The following PHACTR1 variants were observed in gnomAD, a reference collection of about 807,000 sequenced individuals.
PHACTR1 encodes RPEL repeat containing 1.
PHACTR1 carries 16 observed loss-of-function variants against 69.2 expected under a neutral mutation model. That is an observed-to-expected ratio of 0.23 (90% CI 0.16 to 0.35). PHACTR1 has a LOEUF of 0.35. PHACTR1 is among the 10% of genes least tolerant of loss of function. The pLI is 1.00. For missense variants in PHACTR1, 510 were observed against 734.7 expected (o/e 0.69, Z 3.54); for synonymous variants, 312 against 284.5 (o/e 1.10, Z -0.97).
intron 4 of PHACTR1, among the ~76,000 whole-genome samples, chr6:12,919,647 A>T (rs1360197995): frequency 6.6e-6 from 1 of 152,152 alleles, no homozygotes; most frequent in Non-Finnish European, 1.5e-5. Context: ...GATGCTTCCC[A>T]TGACTTTGGG....
chr6:13,082,978 G>A (rs932339846), intron 5 of PHACTR1, among the ~76,000 whole-genome samples: 1 of 152,180 alleles, frequency 6.6e-6, no homozygotes, highest in Non-Finnish European at 1.5e-5. Flanking sequence ...TTTGGCTTTT[G>A]TTGCCATTGC....
chr6:12,820,102 G>A (rs781566170), intron 4 of PHACTR1, among the ~76,000 whole-genome samples: 5 of 152,182 alleles, frequency 3.3e-5, no homozygotes, highest in Non-Finnish European at 7.3e-5. Flanking sequence ...GCATACAAGT[G>A]TAAGTCATTT....
chr6:12,747,630 G>A (rs1054211336), intron 3 of PHACTR1, among the ~76,000 whole-genome samples: 12 of 152,092 alleles, frequency 7.9e-5, no homozygotes, highest in African/African-American at 2.9e-4. Flanking sequence ...TCATGCCATT[G>A]CACTCCAGTC....
chr6:13,128,047 A>G (rs1040357469), intron 5 of PHACTR1, among the ~76,000 whole-genome samples: 6 of 150,268 alleles, frequency 4.0e-5, no homozygotes, highest in Admixed American at 1.3e-4. Flanking sequence ...CCCTTAAAAA[A>G]CCATCAGATC....
rs538592058 is a variant in PHACTR1 at position 12,979,559 on chromosome 6, T to G, written c.251-73806T>G. On this transcript the variant is annotated intron_variant, in intron 4 of 14. Transcript: ENST00000332995. The stretch of plus-strand genomic sequence containing the variant: ...AGAACGGTGGCACACCCAATTAGAA[T>G]GCACCTTCACATTTTCATTGCTTGC... Among the ~76,000 whole-genome samples, 11 of 152,266 alleles carry G rather than the reference T, an allele frequency of 7.2e-5. No homozygotes were observed. In the South Asian group the frequency reaches 1.9e-3, roughly 26 times the overall value.
chr6:13,069,163 C>CCT (rs1316764396), intron 5 of PHACTR1, among the ~76,000 whole-genome samples: 1 of 152,086 alleles, frequency 6.6e-6, no homozygotes, highest in Non-Finnish European at 1.5e-5. Flanking sequence ...CTAACATGGC[C>CCT]CTCCACTGTC....
intron 4 of PHACTR1, among the ~76,000 whole-genome samples, chr6:12,768,752 A>G (rs945161370): frequency 2.0e-5 from 3 of 151,616 alleles, no homozygotes; most frequent in Non-Finnish European, 2.9e-5. Flanking sequence ...AGGAACCTCC[A>G]TACTGTTTTC....
chr6:13,076,065 A>G (rs1810423906), intron 5 of PHACTR1, among the ~76,000 whole-genome samples: 1 of 145,936 alleles, frequency 6.9e-6, no homozygotes, highest in Non-Finnish European at 1.5e-5. Context: ...ATGTTACTTA[A>G]TGGCTCATTG....
chr6:13,064,323 C>G (rs1027905295), intron 5 of PHACTR1, among the ~76,000 whole-genome samples: 83 of 151,520 alleles, frequency 5.5e-4, no homozygotes, highest in African/African-American at 1.9e-3. Context: ...AATAAAAAAC[C>G]ACTCTTGGAT....
chr6:13,024,584 T>C (rs571494304), intron 4 of PHACTR1, among the ~76,000 whole-genome samples: 1 of 152,270 alleles, frequency 6.6e-6, no homozygotes, highest in East Asian at 1.9e-4. Context: ...GAGCTCATCA[T>C]CCTCAAAATG....
At chr6:12,728,227 G>A (rs1310127284) in intron 3 of PHACTR1, among the ~76,000 whole-genome samples, 1 of 152,116 alleles carries the variant, frequency 6.6e-6, no homozygotes, top group Non-Finnish European at 1.5e-5. Flanking sequence ...GCTGAGGCGG[G>A]CGGATTGCTT....
chr6:13,171,590 G>A (rs192704262), intron 6 of PHACTR1, among the ~76,000 whole-genome samples: 122 of 152,312 alleles, frequency 8.0e-4, no homozygotes, highest in African/African-American at 2.6e-3. Flanking sequence ...TGGTGGTGGA[G>A]CACTTAAAAT....
intron 5 of PHACTR1, among the ~76,000 whole-genome samples, chr6:13,082,259 T>C (rs1474882658): frequency 1.3e-5 from 2 of 152,164 alleles, no homozygotes; most frequent in Non-Finnish European, 2.9e-5. Flanking sequence ...ATGGCTCCAA[T>C]GGGTATCACT....
chr6:13,080,051 C>T (rs1314957853), intron 5 of PHACTR1, among the ~76,000 whole-genome samples: 2 of 152,066 alleles, frequency 1.3e-5, no homozygotes, highest in African/African-American at 4.8e-5. Context: ...TTGGAAGGCT[C>T]AAAAATTCAC....
intron 4 of PHACTR1, among the ~76,000 whole-genome samples, chr6:12,753,278 T>C (rs1222769268): frequency 1.3e-5 from 2 of 152,198 alleles, no homozygotes; most frequent in Non-Finnish European, 2.9e-5. Context: ...CAATGAAGAG[T>C]TGCAGCTCAT....
intron 4 of PHACTR1, among the ~76,000 whole-genome samples, chr6:13,017,982 A>G (rs536477114): frequency 3.3e-5 from 5 of 152,316 alleles, no homozygotes; most frequent in South Asian, 2.1e-4. Context: ...TATTTTTTAA[A>G]CATTTATATA....
Position 12,833,763 on chromosome 6 carries a change from T to A in PHACTR1, c.250+83973T>A, listed in dbSNP as rs150503093. Among the ~76,000 whole-genome samples, 25 of 152,300 alleles carry A rather than the reference T, an allele frequency of 1.6e-4. 1 individual carries two copies. The highest frequency in any genetic ancestry group is 1.2e-3 in the South Asian group (6 of 4,822). On this transcript the variant is annotated intron_variant, in intron 4 of 14. Coordinates refer to ENST00000332995, the MANE Select transcript of PHACTR1 (RefSeq NM_030948.6). ...GGCAGCTGGGGTGAACACTTTTAAC[T>A]ATAAATCCTCTAATGGCCTCCTACT...
intron 4 of PHACTR1, among the ~76,000 whole-genome samples, chr6:12,947,194 C>T (rs1358778481): frequency 6.6e-6 from 1 of 152,008 alleles, no homozygotes; most frequent in Non-Finnish European, 1.5e-5. Flanking sequence ...AAAGGAATAC[C>T]CATAAATTAC....
chr6:13,243,836 G>A (rs941072794), intron 10 of PHACTR1, among the ~76,000 whole-genome samples: 1 of 152,148 alleles, frequency 6.6e-6, no homozygotes, highest in African/African-American at 2.4e-5. Flanking sequence ...ACTTGTAAGT[G>A]AGAACATGTG....
Sources: gnomAD v4.1 joint callset for allele counts (sites outside exome capture counted in the v4.1 genomes callset) on GRCh38, gnomAD v4.1.1 for gene constraint, MANE v1.5 for transcripts, NCBI Gene and HGNC (gene_info 2026-07-23, HGNC 2026-07-21) for gene names.